The following MED13L variants were observed in gnomAD, a reference collection of about 807,000 sequenced individuals.
MED13L encodes the protein mediator of RNA polymerase II transcription subunit 13-like.
In MED13L, 7 loss-of-function variants were observed where a neutral mutation model predicts 220.9. The observed-to-expected ratio is 0.03, with a 90% confidence interval of 0.02 to 0.06. The LOEUF (loss-of-function observed/expected upper bound fraction) is 0.06, where lower values mean the gene tolerates loss of function less well. Ranked by LOEUF, MED13L falls within the 10% of genes least tolerant of loss-of-function variation. The pLI, the probability that MED13L is intolerant of heterozygous loss-of-function variation, is 1.00. For missense variants in MED13L, 1,965 were observed against 2,760.5 expected, an observed-to-expected ratio of 0.71 and a Z score of 6.46; for synonymous variants, 1,011 against 1,015.2, an observed-to-expected ratio of 1.00 and a Z score of 0.08.
chr12:116,165,856 C>A (rs1252912140), intron 2 of MED13L, among the ~76,000 whole-genome samples: 1 of 152,160 alleles, frequency 6.6e-6, no homozygotes, highest in Admixed American at 6.5e-5. Flanking sequence ...CCTAGTCTAG[C>A]CCTATCTGCC....
chr12:116,181,934 T>G (rs1289708821), intron 2 of MED13L, among the ~76,000 whole-genome samples: 1 of 152,240 alleles, frequency 6.6e-6, no homozygotes, highest in African/African-American at 2.4e-5. Flanking sequence ...AAATTTTCTT[T>G]TGATTGCTTG....
At chr12:116,024,263 C>G (rs1241266904) in intron 4 of MED13L, among the ~76,000 whole-genome samples, 2 of 152,004 alleles carry the variant, frequency 1.3e-5, no homozygotes, top group African/African-American at 2.4e-5. Flanking sequence ...AGTCCTTGCC[C>G]TCAAGGAGCA....
chr12:116,044,579 T>C (rs2137556842), intron 4 of MED13L, among the ~76,000 whole-genome samples: 1 of 152,356 alleles, frequency 6.6e-6, no homozygotes, highest in East Asian at 1.9e-4. Context: ...AAAGCCTGGC[T>C]AGATTATCTC....
chr12:116,241,598 TAC>T (rs1442920271), intron 1 of MED13L, among the ~76,000 whole-genome samples: 1 of 151,928 alleles, frequency 6.6e-6, no homozygotes, highest in Non-Finnish European at 1.5e-5. Context: ...TTCCTATCAG[TAC>T]ATCTATGCTC....
chr12:116,030,948 T>C (rs1460536071), intron 4 of MED13L, among the ~76,000 whole-genome samples: 1 of 152,210 alleles, frequency 6.6e-6, no homozygotes, highest in Non-Finnish European at 1.5e-5. Context: ...CAACAAATGA[T>C]GTGATGAATT....
intron 2 of MED13L, among the ~76,000 whole-genome samples, chr12:116,172,762 G>A (rs575163856): frequency 9.2e-5 from 14 of 151,878 alleles, no homozygotes; most frequent in Non-Finnish European, 1.5e-4. Flanking sequence ...ATAGCATTAC[G>A]GTGAAGAATA....
At chr12:116,009,989 T>C (rs1253395160) in intron 9 of MED13L, among the ~76,000 whole-genome samples, 12 of 152,106 alleles carry the variant, frequency 7.9e-5, no homozygotes, top group Admixed American at 4.6e-4. Flanking sequence ...GCCGGTGTAG[T>C]AGTAACTCTC....
intron 23 of MED13L, among the ~76,000 whole-genome samples, chr12:115,976,929 A>G (rs1420219417): frequency 6.6e-6 from 1 of 152,092 alleles, no homozygotes; most frequent in Non-Finnish European, 1.5e-5. Flanking sequence ...GGGAGGCTGA[A>G]GTGGGAGGAT....
At chr12:116,062,645 A>T (rs896325403) in intron 4 of MED13L, among the ~76,000 whole-genome samples, 22 of 151,814 alleles carry the variant, frequency 1.4e-4, no homozygotes, top group African/African-American at 4.4e-4. Flanking sequence ...GCGCCACCAC[A>T]CCAAGCTAAT....
rs1376428485 is a variant in MED13L at position 116,006,343 on chromosome 12, T to A, written c.2307A>T (p.Lys769Asn). Reference protein sequence around the residue: ...PGHSTPVPDGKNAMSIFSSAT... With the variant: ...PGHSTPVPDGNNAMSIFSSAT... ...CAGAACTGAAAATAGACATGGCATTTTTCCCATCAGGCACCGGCGTGGAAT... is the reference window on the plus strand; with the variant it reads ...CAGAACTGAAAATAGACATGGCATTATTCCCATCAGGCACCGGCGTGGAAT... The change falls in exon 12 of 31, where the codon AAA becomes AAT. Residue 769 changes from lysine to asparagine, a missense_variant. Around this residue, in one of 10 missense-constraint regions of MED13L, gnomAD observed 818 missense variants for 1,041.2 expected, o/e 0.79. Transcript: ENST00000281928. 6.2e-7 allele frequency: 1 copy of A among 1,613,930 alleles called. No individual in the cohort carries two copies. Among genetic ancestry groups the A allele is most frequent in the Admixed American group, 1.7e-5 (1 of 59,986 alleles).
chr12:116,237,095 A>G (rs532874048), intron 2 of MED13L, among the ~76,000 whole-genome samples: 5 of 152,356 alleles, frequency 3.3e-5, no homozygotes, highest in Admixed American at 3.3e-4. Context: ...GTGAACCATA[A>G]CAACCACAGT....
chr12:115,989,476 C>T (rs532558878), intron 17 of MED13L, among the ~76,000 whole-genome samples: 116 of 151,960 alleles, frequency 7.6e-4, no homozygotes, highest in Admixed American at 1.3e-3. Flanking sequence ...GTCCTCTTCT[C>T]GTCTATACTT....
intron 1 of MED13L, among the ~76,000 whole-genome samples, chr12:116,258,775 C>T (rs528143091): frequency 6.9e-4 from 66 of 96,044 alleles, no homozygotes; most frequent in African/African-American, 2.5e-3. Flanking sequence ...GACTCCATCT[C>T]AGAAAAAAAA....
intron 9 of MED13L, among the ~76,000 whole-genome samples, chr12:116,012,541 C>G (rs921705301): frequency 6.6e-6 from 1 of 152,182 alleles, no homozygotes; most frequent in African/African-American, 2.4e-5. Context: ...TCTTGTCAAA[C>G]TGATGCCTTT....
intron 1 of MED13L, among the ~76,000 whole-genome samples, chr12:116,263,632 A>C (rs1872647941): frequency 1.3e-5 from 2 of 152,232 alleles, no homozygotes; most frequent in Non-Finnish European, 2.9e-5. Context: ...GGTCAAAGGT[A>C]AGAAGTTGGA....
intron 2 of MED13L, among the ~76,000 whole-genome samples, chr12:116,205,754 A>G (rs1337583648): frequency 6.6e-6 from 1 of 152,032 alleles, no homozygotes; most frequent in Admixed American, 6.6e-5. Flanking sequence ...TTTCATTCAG[A>G]TCTATCTTCT....
intron 2 of MED13L, among the ~76,000 whole-genome samples, chr12:116,116,315 G>T (rs1283526810): frequency 6.6e-6 from 1 of 152,016 alleles, no homozygotes; most frequent in African/African-American, 2.4e-5. Flanking sequence ...ATGATTTAAT[G>T]AATCAAACCT....
chr12:116,143,772 T>C (rs939346100), intron 2 of MED13L, among the ~76,000 whole-genome samples: 4 of 152,176 alleles, frequency 2.6e-5, no homozygotes, highest in African/African-American at 7.2e-5. Context: ...ATTACTTATA[T>C]CTCTAGAGAA....
intron 2 of MED13L, among the ~76,000 whole-genome samples, chr12:116,160,271 C>T (rs1430411350): frequency 3.3e-5 from 5 of 152,130 alleles, no homozygotes; most frequent in Admixed American, 3.3e-4. Context: ...GTAACTAATT[C>T]TTGAGCAATA....
Sources: gnomAD v4.1 joint callset for allele counts (sites outside exome capture counted in the v4.1 genomes callset) on GRCh38, gnomAD v4.1.1 for gene constraint, gnomAD v4.1.1 regional missense constraint, MANE v1.5 for transcripts, NCBI Gene and HGNC (gene_info 2026-07-23, HGNC 2026-07-21) for gene names.